Variants in PRKN observed in about 807,000 individuals in gnomAD.
PRKN encodes the protein parkin RBR E3 ubiquitin protein ligase.
In PRKN, 56 loss-of-function variants were observed where a neutral mutation model predicts 59.5. The observed-to-expected ratio is 0.94, with a 90% CI of 0.76 to 1.18. The LOEUF (loss-of-function observed/expected upper bound fraction) is 1.18. PRKN is among the 50% of genes most tolerant of loss of function. The pLI is 0.00. For missense variants in PRKN, 657 were observed against 596.4 expected (o/e 1.10, Z -1.06); for synonymous variants, 250 against 222.1 (o/e 1.13, Z -1.12).
chr6:161,564,203 C>T (rs1411120455), intron 8 of PRKN, among the ~76,000 whole-genome samples: 1 of 152,214 alleles, frequency 6.6e-6, no homozygotes, highest in East Asian at 1.9e-4. Context: ...TCTGCTTCCT[C>T]TCGGGAGCCT....
intron 5 of PRKN, among the ~76,000 whole-genome samples, chr6:162,037,353 T>G (rs1783886795): frequency 6.6e-6 from 1 of 152,108 alleles, no homozygotes; most frequent in Non-Finnish European, 1.5e-5. Context: ...AATGAGCACA[T>G]TATATGAAGT....
chr6:162,610,475 C>G (rs905545418), intron 1 of PRKN, among the ~76,000 whole-genome samples: 1 of 152,204 alleles, frequency 6.6e-6, no homozygotes, highest in African/African-American at 2.4e-5. Context: ...CGATTCCTCA[C>G]CAGGCTCACA....
At chr6:162,295,661 A>G (rs1480757308) in intron 2 of PRKN, among the ~76,000 whole-genome samples, 1 of 152,220 alleles carries the variant, frequency 6.6e-6, no homozygotes, top group Admixed American at 6.5e-5. Context: ...CTCACTGGCA[A>G]TCAGATTTTT....
rs931419915 is a variant in PRKN at position 161,544,835 on chromosome 6, A to G, written c.1083+4019T>C. On this transcript the variant is annotated intron_variant, in intron 9 of 11. Transcript: ENST00000366898. This position sits in a 1 kb window ranked among gnomAD's most constrained non-coding sequence, Gnocchi z 5.5. ...AGATAAGCCTGTGACACAGTGGAGC[A>G]AAGTGTCTGGAATCTGATTTTCCAA... Among the ~76,000 whole-genome samples the G allele has an allele frequency of 1.3e-5, 2 of 152,230 alleles. No homozygotes were observed. The highest frequency in any genetic ancestry group is 4.8e-5 in the African/African-American group (2 of 41,458).
intron 9 of PRKN, among the ~76,000 whole-genome samples, chr6:161,453,691 C>T (rs1789840926): frequency 6.6e-6 from 1 of 151,716 alleles, no homozygotes; most frequent in Non-Finnish European, 1.5e-5. Context: ...AAGAGAACTC[C>T]AACTAATGCA....
intron 9 of PRKN, among the ~76,000 whole-genome samples, chr6:161,450,769 A>C (rs982324339): frequency 3.3e-5 from 5 of 152,224 alleles, no homozygotes; most frequent in South Asian, 2.1e-4. Flanking sequence ...GTTAGCCAGG[A>C]TGGTCTCGAC....
intron 2 of PRKN, among the ~76,000 whole-genome samples, chr6:162,332,192 C>T (rs62430697): frequency 0.015 from 2,356 of 152,260 alleles, 32 homozygotes; most frequent in Admixed American, 0.022. Flanking sequence ...CAAGATTTCA[C>T]ATACAATTCC....
intron 2 of PRKN, among the ~76,000 whole-genome samples, chr6:162,293,797 G>A (rs960661594): frequency 1.3e-5 from 2 of 151,970 alleles, no homozygotes; most frequent in African/African-American, 4.9e-5. Flanking sequence ...AAGAGAGAGA[G>A]ACAGAGGAAG....
At chr6:162,461,697 T>G (rs1272861343) in intron 1 of PRKN, among the ~76,000 whole-genome samples, 1 of 150,946 alleles carries the variant, frequency 6.6e-6, no homozygotes, top group Non-Finnish European at 1.5e-5. Flanking sequence ...GGTGCGTTCC[T>G]GTAACCCCAG....
intron 6 of PRKN, among the ~76,000 whole-genome samples, chr6:161,813,069 TA>T (rs1356730692): frequency 1.3e-5 from 2 of 152,148 alleles, no homozygotes; most frequent in Admixed American, 6.5e-5. Flanking sequence ...ATTCAAAAGA[TA>T]AATCAGACAT....
chr6:161,915,070 A>T (rs981045394), intron 6 of PRKN, among the ~76,000 whole-genome samples: 14 of 152,130 alleles, frequency 9.2e-5, no homozygotes, highest in African/African-American at 3.1e-4. Context: ...GGATCACCTG[A>T]GGTCAGGAGT....
At chr6:161,858,485 T>C (rs185823396) in intron 6 of PRKN, among the ~76,000 whole-genome samples, 19 of 152,302 alleles carry the variant, frequency 1.2e-4, no homozygotes, top group Admixed American at 3.3e-4. Context: ...GCCACTAGGC[T>C]TGGAGAAGCT....
chr6:161,816,745 G>T (rs1791800449), intron 6 of PRKN, among the ~76,000 whole-genome samples: 2 of 150,618 alleles, frequency 1.3e-5, no homozygotes, highest in Non-Finnish European at 3.0e-5. Context: ...AAAAAAAATT[G>T]TTCATGCGCA....
intron 5 of PRKN, among the ~76,000 whole-genome samples, chr6:161,994,017 T>C (rs983333554): frequency 1.3e-5 from 2 of 152,176 alleles, no homozygotes; most frequent in Non-Finnish European, 2.9e-5. Context: ...CACTAGGCCC[T>C]ACCTCTAACA....
At chr6:162,115,823 A>G (rs1780648955) in intron 4 of PRKN, among the ~76,000 whole-genome samples, 2 of 152,214 alleles carry the variant, frequency 1.3e-5, no homozygotes, top group East Asian at 3.9e-4. Flanking sequence ...TAATCTTGCT[A>G]GGACCAAATA....
At chr6:161,826,346 T>C (rs940482694) in intron 6 of PRKN, among the ~76,000 whole-genome samples, 5 of 152,198 alleles carry the variant, frequency 3.3e-5, no homozygotes, top group Admixed American at 1.3e-4. Context: ...AAAAATGAGC[T>C]TTATTTTGAT....
intron 6 of PRKN, among the ~76,000 whole-genome samples, chr6:161,921,374 T>A (rs1050456639): frequency 6.6e-6 from 1 of 152,204 alleles, no homozygotes; most frequent in African/African-American, 2.4e-5. Context: ...ACCGTTAACT[T>A]ATTTATAAGT....
chr6:162,113,397 G>C (rs933971259), intron 4 of PRKN, among the ~76,000 whole-genome samples: 1 of 152,062 alleles, frequency 6.6e-6, no homozygotes, highest in African/African-American at 2.4e-5. Flanking sequence ...TATGATCCAG[G>C]ATGCCATTTA....
In PRKN at chr6:161,874,540, T is replaced by TTA. The variant is rs1554237792; in HGVS notation, c.735-88634_735-88633dup. On this transcript the variant is annotated intron_variant, in intron 6 of 11. Coordinates refer to ENST00000366898, the MANE Select transcript of PRKN (RefSeq NM_004562.3). ...ATATATATTATATGTAAAATATATA[T>TTA]TATGTAAAATATATATTATATATAA... Among the ~76,000 whole-genome samples the TTA allele has an allele frequency of 1.0e-4, 8 of 77,696 alleles. 1 individual carries two copies. The highest frequency in any genetic ancestry group is 8.7e-4 in the Admixed American group (5 of 5,780). The allele number at this position is 77,696 out of a possible 152,430, so 51.0% of individuals were successfully genotyped here.
Sources: allele counts gnomAD v4.1 joint callset (sites outside exome capture counted in the v4.1 genomes callset), GRCh38; gene constraint gnomAD v4.1.1; non-coding constraint Gnocchi (gnomAD v3.1); transcripts MANE v1.5; gene names NCBI Gene and HGNC (gene_info 2026-07-23, HGNC 2026-07-21).